AGBL1: variants seen among roughly 807,000 people sequenced by gnomAD.
AGBL1 encodes AGBL carboxypeptidase 1, also known as cytosolic carboxypeptidase 4.
AGBL1 carries 130 observed loss-of-function variants against 118.9 expected under a neutral mutation model. The observed-to-expected ratio is 1.09, with a 90% CI of 0.95 to 1.26. The LOEUF (loss-of-function observed/expected upper bound fraction) is 1.26, where lower values mean the gene tolerates loss of function less well. Ranked by LOEUF, AGBL1 falls within the 50% of genes most tolerant of loss-of-function variation. AGBL1 has a pLI of 0.00. For missense variants in AGBL1, 1,584 were observed against 1,298.1 expected (o/e 1.22, Z -3.38); for synonymous variants, 555 against 478.9 (o/e 1.16, Z -2.08).
intron 22 of AGBL1, among the ~76,000 whole-genome samples, chr15:86,862,015 A>C (rs1326398380): frequency 1.3e-5 from 2 of 152,168 alleles, no homozygotes; most frequent in African/African-American, 4.8e-5. Context: ...TAGGGTTGGA[A>C]TCTTGCTCCC....
At chr15:86,874,214 CA>C (rs1260818399) in intron 22 of AGBL1, among the ~76,000 whole-genome samples, 1 of 152,008 alleles carries the variant, frequency 6.6e-6, no homozygotes, top group Non-Finnish European at 1.5e-5. Context: ...CAATCCATTC[CA>C]CAGGGCATGG....
intron 17 of AGBL1, among the ~76,000 whole-genome samples, chr15:86,323,929 A>G (rs930506902): frequency 2.0e-5 from 3 of 152,166 alleles, no homozygotes; most frequent in African/African-American, 7.2e-5. Flanking sequence ...GATGTAATTT[A>G]CCAAGTATTA....
At chr15:86,789,576 G>C (rs545633242) in intron 22 of AGBL1, among the ~76,000 whole-genome samples, 2 of 152,252 alleles carry the variant, frequency 1.3e-5, no homozygotes, top group East Asian at 3.9e-4. Context: ...TATACCTCCT[G>C]GCCAATGATC....
At chr15:86,508,273 A>G (rs920998669) in intron 18 of AGBL1, among the ~76,000 whole-genome samples, 1 of 152,038 alleles carries the variant, frequency 6.6e-6, no homozygotes, top group African/African-American at 2.4e-5. Flanking sequence ...GATTCAGCTG[A>G]ACAATACCAA....
chr15:87,005,961 C>T (rs897487562), intron 24 of AGBL1, among the ~76,000 whole-genome samples: 3 of 152,218 alleles, frequency 2.0e-5, no homozygotes, highest in Admixed American at 6.5e-5. Context: ...GAGGTCCACT[C>T]CAGACCCTGT....
At chr15:86,505,043 G>A (rs569466941) in intron 18 of AGBL1, among the ~76,000 whole-genome samples, 122 of 151,608 alleles carry the variant, frequency 8.0e-4, no homozygotes, top group African/African-American at 2.8e-3. Flanking sequence ...AATTCTTGAT[G>A]TTCAGTCTTT....
At chr15:86,663,592 A>G (rs1401057885) in intron 21 of AGBL1, among the ~76,000 whole-genome samples, 2 of 152,056 alleles carry the variant, frequency 1.3e-5, no homozygotes, top group Admixed American at 1.3e-4. Context: ...TTGTTGCACA[A>G]TACTGGGCTT....
chr15:86,976,742 TC>T (rs2081179845), intron 23 of AGBL1, among the ~76,000 whole-genome samples: 1 of 151,984 alleles, frequency 6.6e-6, no homozygotes, highest in Non-Finnish European at 1.5e-5. Flanking sequence ...TTTTTTAAAT[TC>T]GTATCTTTTT....
intron 22 of AGBL1, among the ~76,000 whole-genome samples, chr15:86,736,788 A>G (rs1057286704): frequency 6.6e-6 from 1 of 152,214 alleles, no homozygotes; most frequent in South Asian, 2.1e-4. Context: ...CCTGGCTTTT[A>G]GACATGCTTA....
At chr15:86,951,086 C>T (rs554461721) in intron 23 of AGBL1, among the ~76,000 whole-genome samples, 4 of 152,262 alleles carry the variant, frequency 2.6e-5, no homozygotes, top group African/African-American at 9.6e-5. Context: ...TTTAGAGAGA[C>T]ACCCTCTTAA....
intron 22 of AGBL1, among the ~76,000 whole-genome samples, chr15:86,881,917 G>A (rs2079897340): frequency 6.6e-6 from 1 of 152,162 alleles, no homozygotes; most frequent in African/African-American, 2.4e-5. Flanking sequence ...GGGGATGGTG[G>A]TAAACCATGA....
At chr15:86,512,599 A>G (rs1032361561) in intron 18 of AGBL1, among the ~76,000 whole-genome samples, 1 of 151,518 alleles carries the variant, frequency 6.6e-6, no homozygotes, top group Admixed American at 6.6e-5. Flanking sequence ...ATCTCTTGGT[A>G]TTGGTTGAAG....
chr15:86,840,817 C>T lies in AGBL1; in HGVS notation c.3159-66270C>T, dbSNP rs554184372. On this transcript the variant is annotated intron_variant, in intron 22 of 22. Coordinates refer to ENST00000614907, the MANE Select transcript of AGBL1 (RefSeq NM_001386094.1). ...TTTATCTCTTGCTTCCTCTTTTCCT[C>T]CAACATGTTTGAATTAACTATGCCC... Among the ~76,000 whole-genome samples, 4 of 152,268 alleles carry T rather than the reference C, an allele frequency of 2.6e-5. No individual in the cohort carries two copies. In the East Asian group the frequency reaches 7.7e-4, roughly 29 times the overall value.
In AGBL1 at chr15:86,682,529, G is replaced by A. The variant is rs577694909; in HGVS notation, c.3158+8093G>A. Among the ~76,000 whole-genome samples, 9 of 152,152 alleles carry A rather than the reference G, an allele frequency of 5.9e-5. No homozygotes were observed. The South Asian group carries it at 1.9e-3, about 32-fold the overall frequency. ...TTTACTTTTCTCTGGAGAGCAATTT[G>A]GCAGTTTGTAAAAAGGCCCATAAAA... On this transcript the variant is annotated intron_variant, in intron 22 of 22. Coordinates refer to ENST00000614907, the MANE Select transcript of AGBL1 (RefSeq NM_001386094.1).
chr15:86,178,075 A>C (rs1231370799), intron 5 of AGBL1, among the ~76,000 whole-genome samples: 1 of 152,208 alleles, frequency 6.6e-6, no homozygotes, highest in Non-Finnish European at 1.5e-5. Context: ...GCACTTTGGG[A>C]GGCCAAGGTG....
In AGBL1 at chr15:86,619,641, A is replaced by G. The variant is rs575238284; in HGVS notation, c.2995-54632A>G. Among the ~76,000 whole-genome samples, 181 of 152,190 alleles carry G rather than the reference A, an allele frequency of 1.2e-3. 1 individual carries two copies. The highest frequency in any genetic ancestry group is 4.3e-3 in the African/African-American group (177 of 41,526). On this transcript the variant is annotated intron_variant, in intron 21 of 22. Coordinates refer to ENST00000614907, the MANE Select transcript of AGBL1 (RefSeq NM_001386094.1). Reference sequence around the variant, plus strand: ...GGGGTGAACAGAAGCAAAATATTGCACTCATCCTTTTGGCCTCTGATTCCC... The same window carrying G: ...GGGGTGAACAGAAGCAAAATATTGCGCTCATCCTTTTGGCCTCTGATTCCC...
chr15:86,705,567 G>A (rs1421891510), intron 22 of AGBL1, among the ~76,000 whole-genome samples: 1 of 152,152 alleles, frequency 6.6e-6, no homozygotes, highest in Admixed American at 6.5e-5. Context: ...GGAGTTAAAT[G>A]AGCCAGCCAC....
chr15:86,960,622 TC>T (rs568009738), intron 23 of AGBL1, among the ~76,000 whole-genome samples: 1 of 151,236 alleles, frequency 6.6e-6, no homozygotes, highest in Admixed American at 6.6e-5. Context: ...TGGCTATATA[TC>T]CCCCCCAAAA....
chr15:86,543,058 C>T (rs1051823086), intron 19 of AGBL1, among the ~76,000 whole-genome samples: 4 of 152,058 alleles, frequency 2.6e-5, no homozygotes, highest in African/African-American at 7.2e-5. Flanking sequence ...TACCATTTTG[C>T]TGTTTTCTAT....
Sources: allele counts gnomAD v4.1 joint callset (sites outside exome capture counted in the v4.1 genomes callset), GRCh38; gene constraint gnomAD v4.1.1; transcripts MANE v1.5; gene names NCBI Gene and HGNC (gene_info 2026-07-23, HGNC 2026-07-21).